Variants in TDRD10 observed in about 807,000 individuals in gnomAD.
TDRD10 encodes tudor domain containing 10.
Under a neutral mutation model 48.0 loss-of-function variants are expected in TDRD10, and 40 were observed. The observed-to-expected ratio is 0.83, with a 90% CI of 0.65 to 1.09. The LOEUF (loss-of-function observed/expected upper bound fraction) is 1.09. Ranked by LOEUF, TDRD10 falls within the 50% of genes least tolerant of loss-of-function variation. The probability of loss-of-function intolerance (pLI) is 0.00; values close to 1 mark genes in which losing one functional copy is unlikely to be tolerated. For missense variants in TDRD10, 378 were observed against 434.7 expected, an observed-to-expected ratio of 0.87 and a Z score of 1.16; for synonymous variants, 162 against 170.4, an observed-to-expected ratio of 0.95 and a Z score of 0.38.
At chr1:154,538,568 A>AG (rs1695047736) in intron 6 of TDRD10, among the ~76,000 whole-genome samples, 1 of 123,766 alleles carries the variant, frequency 8.1e-6, no homozygotes, top group African/African-American at 3.1e-5. Flanking sequence ...AAAAAAAAAA[A>AG]AAAGGCCAGG....
At chr1:154,547,303 GC>G in intron 11 of TDRD10, 105 bp from the exon 12 acceptor site, 2 of 1,160,544 alleles carry the variant, frequency 1.7e-6, no homozygotes, top group South Asian at 2.8e-5. Flanking sequence ...GAGCTGGTTG[GC>G]GGCCAGAGCA....
chr1:154,521,002 G>A (rs533935526), intron 5 of TDRD10, among the ~76,000 whole-genome samples: 1 of 152,318 alleles, frequency 6.6e-6, no homozygotes, highest in South Asian at 2.1e-4. Flanking sequence ...GCCTCCCAAA[G>A]TGCTGGGATT....
Position 154,510,799 on chromosome 1 carries a change from C to T in TDRD10, c.141+2318C>T, listed in dbSNP as rs1057059832. Among the ~76,000 whole-genome samples, 9 of 151,784 alleles carry T rather than the reference C, an allele frequency of 5.9e-5. 1 individual carries two copies. Among genetic ancestry groups the T allele is most frequent in the South Asian group, 4.2e-4 (2 of 4,812 alleles). On this transcript the variant is annotated intron_variant, in intron 4 of 12. Transcript: ENST00000368482. ...CGGTGGCTCACGCCTGTAATTCCAG[C>T]GCTTTGGGAGGCTGAGACGGGTGGA...
At chr1:154,508,218 T>G (rs751367584) in intron 3 of TDRD10, among the ~76,000 whole-genome samples, 1 of 152,126 alleles carries the variant, frequency 6.6e-6, no homozygotes, top group African/African-American at 2.4e-5. Flanking sequence ...TATTTTAACA[T>G]TGAAGAAAAA....
At chr1:154,533,663 G>T (rs1694766451) in intron 6 of TDRD10, among the ~76,000 whole-genome samples, 1 of 151,724 alleles carries the variant, frequency 6.6e-6, no homozygotes, top group South Asian at 2.1e-4. Flanking sequence ...TTTAGAGCAG[G>T]GTCTTGCTCT....
In TDRD10 at chr1:154,544,854, A is replaced by C. The variant is rs1334169643; in HGVS notation, c.857A>C (p.Gln286Pro). Reference sequence around the variant, plus strand: ...GTGGTCATGTTCATTGATTTTGGACAGTTGGCCACCATCCCTGTGCAGTCT... The same window carrying C: ...GTGGTCATGTTCATTGATTTTGGACCGTTGGCCACCATCCCTGTGCAGTCT... Reference protein sequence around the residue: ...WAVVMFIDFGQLATIPVQSLR... With the variant: ...WAVVMFIDFGPLATIPVQSLR... The change falls in exon 11 of 13, where the codon CAG (glutamine) becomes CCG (proline). Residue 286 changes from glutamine (Q) to proline (P), a missense_variant. Physicochemically the swap from Gln to Pro is moderately conservative, Grantham distance 76. Around this residue, in one of 2 missense-constraint regions of TDRD10, gnomAD observed 68 missense variants for 111.1 expected, o/e 0.61. Transcript: ENST00000368482. The C allele has an allele frequency of 5.6e-6, 9 of 1,614,216 alleles. No individual in the cohort carries two copies. The highest frequency in any genetic ancestry group is 7.6e-6 in the Non-Finnish European group (9 of 1,180,050).
chr1:154,546,859 C>G, intron 11 of TDRD10, among the ~76,000 whole-genome samples: 1 of 152,130 alleles, frequency 6.6e-6, no homozygotes, highest in Non-Finnish European at 1.5e-5. Context: ...AATGGCATAG[C>G]TGGGGATGAA....
At chr1:154,514,849 A>T (rs960025243) in intron 4 of TDRD10, among the ~76,000 whole-genome samples, 2 of 87,386 alleles carry the variant, frequency 2.3e-5, no homozygotes, top group Non-Finnish European at 5.3e-5. Flanking sequence ...CACCATACCC[A>T]GCTTATTTAT....
intron 6 of TDRD10, among the ~76,000 whole-genome samples, chr1:154,535,948 C>T (rs933034967): frequency 5.9e-5 from 9 of 152,018 alleles, no homozygotes; most frequent in South Asian, 2.1e-4. Context: ...CCAGCGGTGA[C>T]GTTGGCAGGA....
chr1:154,512,384 G>T lies in TDRD10; in HGVS notation c.141+3903G>T, dbSNP rs1349185694. On this transcript the variant is annotated intron_variant, in intron 4 of 12. Coordinates refer to ENST00000368482, the MANE Select transcript of TDRD10 (RefSeq NM_182499.4). Reference sequence around the variant, plus strand: ...TTTAAGACGGAGTTTCACTCTTGTTGCCCAGGCTGGAGTGCAATGGCTCGA... The same window carrying T: ...TTTAAGACGGAGTTTCACTCTTGTTTCCCAGGCTGGAGTGCAATGGCTCGA... Among the ~76,000 whole-genome samples, 4 of 151,958 alleles carry T rather than the reference G, an allele frequency of 2.6e-5. No individual in the cohort carries two copies. In the South Asian group the frequency reaches 8.3e-4, roughly 32 times the overall value.
intron 5 of TDRD10, 109 bp from the exon 6 acceptor site, chr1:154,521,214 T>C: frequency 3.7e-6 from 4 of 1,092,790 alleles, no homozygotes; most frequent in Non-Finnish European, 5.4e-6. Flanking sequence ...CTTCCATCAC[T>C]GCAGAGAGAA....
In TDRD10 at chr1:154,547,677, G is replaced by A. The variant is rs748681253; in HGVS notation, c.1024-1G>A. On this transcript the variant is annotated splice_acceptor_variant, in intron 12 of 12. Transcript: ENST00000368482. LOFTEE classifies it high-confidence loss of function. ...ACCAAGGCTTTGTCTTTCTCTTCCA[G>A]TTGCACATCCTAAAGTTTGAAGAGT... is the stretch of plus-strand genomic sequence containing the variant. The A allele has an allele frequency of 6.2e-7, 1 of 1,614,124 alleles. No homozygotes were observed. Among genetic ancestry groups the A allele is most frequent in the Non-Finnish European group, 8.5e-7 (1 of 1,180,002 alleles).
rs919380697 is a variant in TDRD10, at chr1:154,547,927, A to T, written c.*217A>T. ...GTCTTCAGTTCCCCAACTTGGCATG[A>T]ACATTTGAACCAAACATAGGAAACT... On this transcript the variant is annotated 3_prime_UTR_variant, in exon 13 of 13. Coordinates refer to ENST00000368482, the MANE Select transcript of TDRD10 (RefSeq NM_182499.4). 1 of 606,060 alleles carries T rather than the reference A, an allele frequency of 1.7e-6. No individual in the cohort carries two copies. The highest frequency in any genetic ancestry group is 4.4e-4 in the Middle Eastern group (1 of 2,278). 37.5% of individuals were successfully genotyped at this position (606,060 alleles called of 1,614,324 possible).
chr1:154,521,369 A>G lies in TDRD10; in HGVS notation c.259A>G (p.Ile87Val), dbSNP rs747990544. 1.8e-5 allele frequency: 29 copies of G among 1,614,038 alleles called. No individual in the cohort carries two copies. Among genetic ancestry groups the G allele is most frequent in the African/African-American group, 5.3e-5 (4 of 74,908 alleles). Reference sequence around the variant, plus strand: ...CTCCATGCAGAAAGTGACACTTGCAATCCAGGAGCTGAATGGTAAACTCTT... The same window carrying G: ...CTCCATGCAGAAAGTGACACTTGCAGTCCAGGAGCTGAATGGTAAACTCTT... ...LGSMQKVTLA[I>V]QELNGKLFHK... Residue 87 changes from isoleucine (I) to valine (V), a missense_variant, in exon 6 of 13, where the codon ATC (isoleucine) becomes GTC (valine). By Grantham distance (29) the Ile-to-Val change is conservative. Transcript: ENST00000368482.
Position 154,508,491 on chromosome 1 carries a change from C to T in TDRD10, c.141+10C>T, listed in dbSNP as rs199943501. On this transcript the variant is annotated intron_variant, in intron 4 of 12. Transcript: ENST00000368482. Reference sequence around the variant, plus strand: ...ACTGGATATTTCTAAGGTATTTATTCTTCACAATAGGCTGCTTATCTTCCT... The same window carrying T: ...ACTGGATATTTCTAAGGTATTTATTTTTCACAATAGGCTGCTTATCTTCCT... 1,004 of 1,577,800 alleles carry T rather than the reference C, an allele frequency of 6.4e-4. 11 individuals are homozygous for T. Among genetic ancestry groups the T allele is most frequent in the Middle Eastern group, 3.3e-4 (2 of 6,020 alleles).
intron 6 of TDRD10, among the ~76,000 whole-genome samples, chr1:154,534,788 A>T (rs1280694803): frequency 6.6e-6 from 1 of 152,218 alleles, no homozygotes; most frequent in Non-Finnish European, 1.5e-5. Context: ...AGAAAAGAAA[A>T]GGTAAAATTA....
chr1:154,547,575 A>G, intron 12 of TDRD10, 96 bp downstream of exon 12: 1 of 1,614,164 alleles, frequency 6.2e-7, no homozygotes, highest in Non-Finnish European at 8.5e-7. Context: ...CACAGTATTT[A>G]CCTGGCATTC....
intron 11 of TDRD10, among the ~76,000 whole-genome samples, chr1:154,545,939 T>C (rs1695537675): frequency 6.9e-6 from 1 of 145,748 alleles, no homozygotes; most frequent in African/African-American, 2.5e-5. Context: ...TTTTTTTTTT[T>C]TTTTTTTTTT....
intron 6 of TDRD10, among the ~76,000 whole-genome samples, chr1:154,535,811 C>T (rs146401063): frequency 6.6e-6 from 1 of 152,232 alleles, no homozygotes; most frequent in African/African-American, 2.4e-5. Context: ...CAAAACAAGA[C>T]GGGATCTGGT....
Sources: gnomAD v4.1 joint callset for allele counts (sites outside exome capture counted in the v4.1 genomes callset) on GRCh38, gnomAD v4.1.1 for gene constraint, gnomAD v4.1.1 regional missense constraint, MANE v1.5 for transcripts, NCBI Gene and HGNC (gene_info 2026-07-23, HGNC 2026-07-21) for gene names.